The following KATNAL2 variants were observed in gnomAD, a reference collection of about 807,000 sequenced individuals.
KATNAL2 encodes katanin catalytic subunit A1 like 2.
KATNAL2 carries 52 observed loss-of-function variants against 76.3 expected under a neutral mutation model. The ratio of observed to expected loss-of-function variants is 0.68; its 90% confidence interval spans 0.55 to 0.86. The LOEUF (loss-of-function observed/expected upper bound fraction) is 0.86, where lower values mean the gene tolerates loss of function less well. Among genes scored for constraint, KATNAL2 ranks in the 40% least tolerant of loss-of-function variants. The pLI is 0.00. For synonymous variants in KATNAL2, 243 were observed against 244.2 expected (o/e 1.00, Z 0.05); for missense variants, 660 against 668.9 (o/e 0.99, Z 0.15).
At position 47,033,372 on chromosome 18, in the gene KATNAL2, T is replaced by C. The variant is rs748544977; in HGVS notation, c.52-13085T>C. On this transcript the variant is annotated intron_variant, in intron 3 of 17. Transcript: ENST00000683218. The stretch of plus-strand genomic sequence containing the variant: ...TTGCCTCTCTGCCGTTGGGGTTGTT[T>C]CCACGTGCAGATCGGATATTCGTTG... 4 of 1,614,188 alleles carry C rather than the reference T, an allele frequency of 2.5e-6. No individual in the cohort carries two copies. The East Asian group carries it at 8.9e-5, about 36-fold the overall frequency.
At position 46,946,272 on chromosome 18, in the gene KATNAL2, AC is replaced by A; in HGVS notation, c.-293del. 9.1e-7 allele frequency: 1 copy of A among 1,102,224 alleles called. No individual in the cohort carries two copies. 68.3% of individuals were successfully genotyped at this position (1,102,224 alleles called of 1,614,324 possible). On this transcript the variant is annotated 5_prime_UTR_variant, in exon 2 of 18. It introduces an in-frame stop codon into an upstream open reading frame of the 5' UTR. Transcript: ENST00000683218. ...CCATGTTTTTCCACGTCTAATGAGA[AC>A]AGGTCTGATGTGAAAGGAATTGGAG...
At chr18:47,096,249 G>GA (rs2063229908) in intron 15 of KATNAL2, among the ~76,000 whole-genome samples, 1 of 152,094 alleles carries the variant, frequency 6.6e-6, no homozygotes, top group Non-Finnish European at 1.5e-5. Context: ...ATGAGAATAA[G>GA]AAAAAATGGG....
At chr18:47,041,261 G>C (rs918646792) in intron 3 of KATNAL2, among the ~76,000 whole-genome samples, 1 of 152,130 alleles carries the variant, frequency 6.6e-6, no homozygotes, top group African/African-American at 2.4e-5. Context: ...TGTACATTCT[G>C]TGGTTTTGGA....
intron 3 of KATNAL2, among the ~76,000 whole-genome samples, chr18:46,952,736 T>C (rs533694841): frequency 5.9e-5 from 9 of 152,024 alleles, no homozygotes; most frequent in African/African-American, 2.2e-4. Flanking sequence ...TGTTCCTTTT[T>C]CACTGTATCC....
intron 3 of KATNAL2, chr18:47,034,571 G>T: frequency 3.1e-6 from 5 of 1,614,182 alleles, no homozygotes; most frequent in Non-Finnish European, 3.4e-6. Context: ...CGTTTTTCCT[G>T]GCGAGACGAT....
intron 3 of KATNAL2, among the ~76,000 whole-genome samples, chr18:47,037,684 T>C (rs1483804638): frequency 6.6e-6 from 1 of 152,228 alleles, no homozygotes; most frequent in Non-Finnish European, 1.5e-5. Flanking sequence ...CTTAAATATT[T>C]AACACTACAT....
At chr18:47,063,417 C>G (rs2061695880) in intron 10 of KATNAL2, 56 bp downstream of exon 10, 2 of 1,308,080 alleles carry the variant, frequency 1.5e-6, no homozygotes, top group African/African-American at 1.5e-5. Context: ...GCTTCTGGAG[C>G]TTTGTGGGCT....
intron 3 of KATNAL2, among the ~76,000 whole-genome samples, chr18:46,950,632 C>T (rs2059523550): frequency 6.6e-6 from 1 of 152,108 alleles, no homozygotes; most frequent in Non-Finnish European, 1.5e-5. Flanking sequence ...ATTACTGCTC[C>T]CCAGAAGCAA....
intron 3 of KATNAL2, chr18:47,033,973 G>T: frequency 1.2e-6 from 2 of 1,613,456 alleles, no homozygotes; most frequent in Non-Finnish European, 1.7e-6. Flanking sequence ...CTGGACAGGA[G>T]GCAATTTCTT....
At chr18:47,031,377 T>C (rs2060423922) in intron 3 of KATNAL2, among the ~76,000 whole-genome samples, 1 of 152,132 alleles carries the variant, frequency 6.6e-6, no homozygotes, top group Non-Finnish European at 1.5e-5. Context: ...CAGTTTCGCG[T>C]AATTTTTAAT....
chr18:47,053,069 T>A (rs1252463267), intron 5 of KATNAL2, 23 bp downstream of exon 5: 1 of 1,545,944 alleles, frequency 6.5e-7, no homozygotes, highest in East Asian at 2.3e-5. Context: ...TTTCTAGAGA[T>A]AAGGCTTTGT....
rs556114019 is a variant in KATNAL2 at position 47,043,966 on chromosome 18, G to A, written c.52-2491G>A. 2.9e-4 allele frequency among the ~76,000 whole-genome samples: 44 copies of A among 152,262 alleles called. 1 individual carries two copies. In the Middle Eastern group the frequency reaches 0.01, roughly 35 times the overall value. ...GATAGTTTGAAAAGGGTATAAGACAGCTTAGTTCTCATCTGTCTTAAAGGA... is the reference window on the plus strand; with the variant it reads ...GATAGTTTGAAAAGGGTATAAGACAACTTAGTTCTCATCTGTCTTAAAGGA... On this transcript the variant is annotated intron_variant, in intron 3 of 17. Coordinates refer to ENST00000683218, the MANE Select transcript of KATNAL2 (RefSeq NM_001387690.1).
chr18:46,948,888 T>TTGTGTGTGTGTGTGTGTGTGTGTG (rs71264810), intron 3 of KATNAL2, among the ~76,000 whole-genome samples: 1 of 145,796 alleles, frequency 6.9e-6, no homozygotes, highest in African/African-American at 2.6e-5. Flanking sequence ...AGTATCTGCA[T>TTGTGTGTGTGTGTGTGTGTGTGTG]TGTGTGTGTG....
At chr18:47,038,283 A>G (rs2060849092) in intron 3 of KATNAL2, among the ~76,000 whole-genome samples, 1 of 152,182 alleles carries the variant, frequency 6.6e-6, no homozygotes, top group Non-Finnish European at 1.5e-5. Flanking sequence ...ATTTATCCTG[A>G]TTAACTGTGT....
intron 15 of KATNAL2, among the ~76,000 whole-genome samples, chr18:47,090,362 C>T (rs2062946422): frequency 6.6e-6 from 1 of 152,168 alleles, no homozygotes; most frequent in Non-Finnish European, 1.5e-5. Context: ...CCACCTCAGC[C>T]TCCCAAAGTG....
chr18:47,052,820 G>A (rs1457192810), intron 4 of KATNAL2, 60 bp from the exon 5 acceptor site: 13 of 1,306,722 alleles, frequency 9.9e-6, no homozygotes, highest in Non-Finnish European at 1.1e-5. Context: ...TGTAATGCCT[G>A]TTAGCCATTA....
intron 1 of KATNAL2, among the ~76,000 whole-genome samples, chr18:46,938,531 A>C (rs2059155484): frequency 6.6e-6 from 1 of 152,228 alleles, no homozygotes; most frequent in South Asian, 2.1e-4. Context: ...TTTATAACAA[A>C]ATAAACACAA....
chr18:46,940,875 A>G (rs1028488505), intron 1 of KATNAL2, among the ~76,000 whole-genome samples: 6 of 152,084 alleles, frequency 3.9e-5, no homozygotes, highest in African/African-American at 1.4e-4. Context: ...AAATTTAAAA[A>G]TTACCTGTGT....
At chr18:46,943,797 A>G (rs2146644431) in intron 1 of KATNAL2, among the ~76,000 whole-genome samples, 1 of 152,272 alleles carries the variant, frequency 6.6e-6, no homozygotes, top group Admixed American at 6.5e-5. Context: ...TCTGTTAACA[A>G]TTTGTCCTGC....
Sources: gnomAD v4.1 joint callset for allele counts (sites outside exome capture counted in the v4.1 genomes callset) on GRCh38, gnomAD v4.1.1 for gene constraint, MANE v1.5 for transcripts, NCBI Gene and HGNC (gene_info 2026-07-23, HGNC 2026-07-21) for gene names.